The following F10 variants were observed in gnomAD, a reference collection of about 807,000 sequenced individuals.
The protein encoded by F10 is Stuart-Prower factor.
In F10, 29 loss-of-function variants were observed where a neutral mutation model predicts 37.1. That is an observed-to-expected ratio of 0.78 (90% CI 0.58 to 1.07). The LOEUF (loss-of-function observed/expected upper bound fraction) is 1.07, where lower values mean the gene tolerates loss of function less well. Ranked by LOEUF, F10 falls within the 50% of genes least tolerant of loss-of-function variation. The pLI, the probability that F10 is intolerant of heterozygous loss-of-function variation, is 0.00. For synonymous variants in F10, 262 were observed against 268.6 expected, an observed-to-expected ratio of 0.98 and a Z score of 0.24; for missense variants, 539 against 667.9, an observed-to-expected ratio of 0.81 and a Z score of 2.13.
In F10 at chr13:113,141,181, C is replaced by T. The variant is rs1420024497; in HGVS notation, c.502+131C>T. On this transcript the variant is annotated intron_variant, in intron 5 of 7. Coordinates refer to ENST00000375559, the MANE Select transcript of F10 (RefSeq NM_000504.4). This position sits in a 1 kb window ranked among gnomAD's most constrained non-coding sequence, Gnocchi z 5.4. The stretch of plus-strand genomic sequence containing the variant: ...GCAGGTAACAGTGACACCAAGAGGA[C>T]AGGACTGAGCCCTGGGCTCCGGGCC... The T allele has an allele frequency of 2.3e-6, 3 of 1,314,090 alleles. No homozygotes were observed. The highest frequency in any genetic ancestry group is 3.2e-6 in the Non-Finnish European group (3 of 948,360). 81.4% of individuals were successfully genotyped at this position (1,314,090 alleles called of 1,614,324 possible).
chr13:113,125,697 G>C (rs2036363987), intron 1 of F10, among the ~76,000 whole-genome samples: 1 of 152,264 alleles, frequency 6.6e-6, no homozygotes. Flanking sequence ...ATAACAGATA[G>C]CAGAAGCGCC....
intron 6 of F10, among the ~76,000 whole-genome samples, chr13:113,145,647 A>G (rs553474): frequency 0.55 from 83,772 of 152,028 alleles, 24,538 homozygotes; most frequent in African/African-American, 0.76. Context: ...AGGTTGAATG[A>G]ACTCACAGTT....
Position 113,143,707 on chromosome 13 carries a change from C to CTAA in F10, c.503-144_503-143insTAA. 22 of 1,227,132 alleles carry CTAA rather than the reference C, an allele frequency of 1.8e-5. No individual in the cohort carries two copies. In the Admixed American group the frequency reaches 2.3e-4, roughly 13 times the overall value. The allele number at this position is 1,227,132 out of a possible 1,614,324, so 76.0% of individuals were successfully genotyped here. On this transcript the variant is annotated intron_variant, in intron 5 of 7. Coordinates refer to ENST00000375559, the MANE Select transcript of F10 (RefSeq NM_000504.4). The surrounding 1 kb of genome is among the most constrained non-coding windows in gnomAD (Gnocchi z 6.8). Reference sequence around the variant, plus strand: ...TCCGACCCCTGCCGACGACGTGGGGCCTCGCCCTGCAAGCCCGCTGCCCCT... The same window carrying CTAA: ...TCCGACCCCTGCCGACGACGTGGGGCTAACTCGCCCTGCAAGCCCGCTGCCCCT...
chr13:113,127,972 G>A (rs1292216949), intron 1 of F10, among the ~76,000 whole-genome samples: 1 of 152,154 alleles, frequency 6.6e-6, no homozygotes, highest in Non-Finnish European at 1.5e-5. Flanking sequence ...AGCATGTGAG[G>A]AGGCTGGTGA....
intron 1 of F10, among the ~76,000 whole-genome samples, chr13:113,129,140 C>G (rs2142251381): frequency 1.3e-5 from 2 of 152,212 alleles, no homozygotes; most frequent in African/African-American, 4.8e-5. Flanking sequence ...GTTTGGTCAG[C>G]CTCAAGGTCT....
chr13:113,144,226 C>A lies in F10; in HGVS notation c.747+131C>A, dbSNP rs1162631935. ...GTTCCGAACTAGGACAGAGGGGCTCCGCCACCCAAGCCTGCCTGCCTGTCC... is the reference window on the plus strand; with the variant it reads ...GTTCCGAACTAGGACAGAGGGGCTCAGCCACCCAAGCCTGCCTGCCTGTCC... On this transcript the variant is annotated intron_variant, in intron 6 of 7. Transcript: ENST00000375559. This position sits in a 1 kb window ranked among gnomAD's most constrained non-coding sequence, Gnocchi z 6.4. 2.1e-6 allele frequency: 3 copies of A among 1,407,710 alleles called. No homozygotes were observed. The highest frequency in any genetic ancestry group is 2.4e-5 in the East Asian group (1 of 40,974). 87.2% of individuals were successfully genotyped at this position (1,407,710 alleles called of 1,614,324 possible).
At chr13:113,128,886 GAAAAAAAAAAA>G (rs778396585) in intron 1 of F10, 14 of 44,824 alleles carry the variant, frequency 3.1e-4, no homozygotes, top group East Asian at 1.8e-3. Context: ...ATCTTAAAGA[GAAAAAAAAAAA>G]AAAAAAAAAA....
At chr13:113,129,655 C>A in intron 2 of F10, 43 bp downstream of exon 2, 1 of 1,612,440 alleles carries the variant, frequency 6.2e-7, no homozygotes, top group South Asian at 1.1e-5. Flanking sequence ...GGAGCTCAGG[C>A]CACAGCGCCC....
intron 2 of F10, among the ~76,000 whole-genome samples, chr13:113,138,237 A>G (rs2138539776): frequency 6.6e-6 from 1 of 152,338 alleles, no homozygotes; most frequent in Admixed American, 6.5e-5. Context: ...TTCAACAAAG[A>G]TGGTTCATTT....
rs3211802 is a variant in F10, at chr13:113,148,814, A to G, written c.866-102A>G. On this transcript the variant is annotated intron_variant, in intron 7 of 7. Coordinates refer to ENST00000375559, the MANE Select transcript of F10 (RefSeq NM_000504.4). ...AAATTTTCAAAAGTGATCACGTGCC[A>G]TTTTTAATTTAAAAAAATATATATA... The G allele has an allele frequency of 1.0e-2, 15,137 of 1,514,934 alleles. 1,304 individuals carry two copies. The East Asian group carries it at 0.22, about 22-fold the overall frequency. The allele number at this position is 1,514,934 out of a possible 1,614,324, so 93.8% of individuals were successfully genotyped here.
At chr13:113,128,076 G>A (rs2036387619) in intron 1 of F10, 1 of 152,198 alleles carries the variant, frequency 6.6e-6, no homozygotes, top group South Asian at 2.1e-4. Context: ...ACTGGGGGGA[G>A]GGGGGAAATG....
intron 2 of F10, among the ~76,000 whole-genome samples, chr13:113,138,063 C>A (rs957108964): frequency 2.6e-5 from 4 of 152,204 alleles, no homozygotes; most frequent in Non-Finnish European, 4.4e-5. Flanking sequence ...GAATATTTTT[C>A]AGCTAACGTA....
At chr13:113,131,757 A>C (rs1384822463) in intron 2 of F10, 1 of 152,254 alleles carries the variant, frequency 6.6e-6, no homozygotes, top group East Asian at 1.9e-4. Context: ...ACTTTGAGCT[A>C]TTTGTCATGA....
At chr13:113,134,978 T>C (rs1272088682) in intron 2 of F10, among the ~76,000 whole-genome samples, 1 of 152,200 alleles carries the variant, frequency 6.6e-6, no homozygotes. Flanking sequence ...CGGTGGCTCA[T>C]GCCTGTAATC....
At chr13:113,137,421 T>C (rs902018729) in intron 2 of F10, among the ~76,000 whole-genome samples, 25 of 152,300 alleles carry the variant, frequency 1.6e-4, no homozygotes, top group African/African-American at 6.0e-4. Context: ...ATGATGCTGG[T>C]GGCTACAGAA....
chr13:113,148,312 C>G (rs915657829), intron 7 of F10, among the ~76,000 whole-genome samples: 1 of 114,926 alleles, frequency 8.7e-6, no homozygotes, highest in Non-Finnish European at 1.7e-5. Context: ...GCCCGGGCAA[C>G]AGAGCAAAAC....
chr13:113,140,885 C>T (rs201232024), intron 4 of F10, 34 bp from the exon 5 acceptor site: 49 of 1,613,682 alleles, frequency 3.0e-5, no homozygotes, highest in Middle Eastern at 1.6e-4. Flanking sequence ...ATTTCTCCAG[C>T]TGTCCCCAGA....
intron 2 of F10, among the ~76,000 whole-genome samples, chr13:113,137,038 G>A (rs1164090423): frequency 6.6e-6 from 1 of 152,136 alleles, no homozygotes; most frequent in Non-Finnish European, 1.5e-5. Flanking sequence ...ACCCGCCTCA[G>A]CCTCCCAAAG....
rs548677950 is a variant in F10, at chr13:113,141,093, C to A, written c.502+43C>A. On this transcript the variant is annotated intron_variant, in intron 5 of 7. Coordinates refer to ENST00000375559, the MANE Select transcript of F10 (RefSeq NM_000504.4). The surrounding 1 kb of genome is among the most constrained non-coding windows in gnomAD (Gnocchi z 5.4). ...CCACAGCCACCCGCTGCCGCTGGGC[C>A]GGGCCAGGGAGGACAAGCCCGTGCC... The A allele has an allele frequency of 2.1e-5, 34 of 1,610,218 alleles. No homozygotes were observed. The highest frequency in any genetic ancestry group is 2.9e-5 in the Non-Finnish European group (34 of 1,179,578).
Sources: allele counts gnomAD v4.1 joint callset (sites outside exome capture counted in the v4.1 genomes callset), GRCh38; gene constraint gnomAD v4.1.1; non-coding constraint Gnocchi (gnomAD v3.1); transcripts MANE v1.5; gene names NCBI Gene and HGNC (gene_info 2026-07-23, HGNC 2026-07-21).